Variants in ARMC9 observed in about 807,000 individuals in gnomAD.
ARMC9 encodes the protein armadillo repeat containing 9, also known as lisH domain-containing protein ARMC9.
A neutral mutation model predicts 107.0 loss-of-function variants in ARMC9; 94 were observed. The ratio of observed to expected loss-of-function variants is 0.88; its 90% CI spans 0.74 to 1.04. The LOEUF is 1.04. Ranked by LOEUF, ARMC9 falls within the 50% of genes least tolerant of loss-of-function variation. ARMC9 has a pLI of 0.00. For synonymous variants in ARMC9, 380 were observed against 396.9 expected, an observed-to-expected ratio of 0.96 and a Z score of 0.51; for missense variants, 942 against 1,030.1, an observed-to-expected ratio of 0.91 and a Z score of 1.17.
chr2:231,311,498 A>G (rs957806197), intron 19 of ARMC9, among the ~76,000 whole-genome samples: 7 of 151,176 alleles, frequency 4.6e-5, no homozygotes, highest in African/African-American at 1.7e-4. Context: ...TGCTGGGCGC[A>G]GTTGCTCACG....
At position 231,353,534 on chromosome 2, in the gene ARMC9, A is replaced by G. The variant is rs1371450480; in HGVS notation, c.1995-2264A>G. Among the ~76,000 whole-genome samples the G allele has an allele frequency of 2.8e-5, 3 of 106,968 alleles. 1 individual carries two copies. The African/African-American group carries it at 4.1e-4, about 15-fold the overall frequency. The allele number at this position is 106,968 out of a possible 152,430, so 70.2% of individuals were successfully genotyped here. A position where few individuals can be genotyped will look rare whatever the true frequency, so the allele number is the denominator to read the frequency against. ...CAAAACCACACCAGGAAGGCCAGGG[A>G]ATCCCAGCAGAGAGAACCTGGATCT... On this transcript the variant is annotated intron_variant, in intron 21 of 24. Coordinates refer to ENST00000611582, the MANE Select transcript of ARMC9 (RefSeq NM_001352754.2).
At chr2:231,232,024 C>CT in intron 7 of ARMC9, among the ~76,000 whole-genome samples, 1 of 135,412 alleles carries the variant, frequency 7.4e-6, no homozygotes, top group Admixed American at 7.9e-5. Context: ...TTAACACATT[C>CT]CTTTTTTTTT....
chr2:231,220,584 G>A (rs973343016), intron 5 of ARMC9, among the ~76,000 whole-genome samples: 5 of 139,844 alleles, frequency 3.6e-5, no homozygotes, highest in Non-Finnish European at 6.1e-5. Context: ...GCAACAGAGC[G>A]AGACTCCATC....
chr2:231,227,008 T>C (rs1408101576), intron 7 of ARMC9, among the ~76,000 whole-genome samples: 1 of 152,172 alleles, frequency 6.6e-6, no homozygotes, highest in Non-Finnish European at 1.5e-5. Context: ...GCATGTCAGG[T>C]AGCTAAGCCT....
At chr2:231,211,714 C>T (rs2032890141) in intron 3 of ARMC9, among the ~76,000 whole-genome samples, 1 of 152,144 alleles carries the variant, frequency 6.6e-6, no homozygotes, top group Non-Finnish European at 1.5e-5. Flanking sequence ...TCCATTCCCA[C>T]CAGCAGTACA....
chr2:231,250,016 G>A (rs2037153287), intron 9 of ARMC9, among the ~76,000 whole-genome samples: 1 of 151,446 alleles, frequency 6.6e-6, no homozygotes, highest in Non-Finnish European at 1.5e-5. Flanking sequence ...ACGGGAGGGA[G>A]ACCACCACGT....
At chr2:231,218,148 A>G (rs1006007326) in intron 5 of ARMC9, among the ~76,000 whole-genome samples, 2 of 152,208 alleles carry the variant, frequency 1.3e-5, no homozygotes, top group Non-Finnish European at 2.9e-5. Flanking sequence ...AGTAACTGCT[A>G]AACTGAAGGT....
chr2:231,273,806 A>C (rs1369206436), intron 14 of ARMC9, among the ~76,000 whole-genome samples: 2 of 152,150 alleles, frequency 1.3e-5, no homozygotes, highest in Admixed American at 6.5e-5. Flanking sequence ...AAGGATTTTT[A>C]GTGTATTTAC....
chr2:231,300,660 G>C (rs968142420), intron 19 of ARMC9, among the ~76,000 whole-genome samples: 2 of 152,218 alleles, frequency 1.3e-5, no homozygotes, highest in Admixed American at 1.3e-4. Context: ...AAGTAACTGT[G>C]ATGGGGCTGG....
At chr2:231,293,262 A>T (rs2125476579) in intron 18 of ARMC9, among the ~76,000 whole-genome samples, 1 of 152,266 alleles carries the variant, frequency 6.6e-6, no homozygotes, top group South Asian at 2.1e-4. Context: ...AAAAATAAAA[A>T]TAAGACCTGA....
chr2:231,234,305 T>C (rs1259282531), intron 7 of ARMC9, among the ~76,000 whole-genome samples: 1 of 152,184 alleles, frequency 6.6e-6, no homozygotes, highest in Non-Finnish European at 1.5e-5. Context: ...CTTCAGTGTC[T>C]TTAGGGCTGC....
chr2:231,301,403 G>A (rs2041716856), intron 19 of ARMC9, among the ~76,000 whole-genome samples: 1 of 151,962 alleles, frequency 6.6e-6, no homozygotes, highest in Non-Finnish European at 1.5e-5. Context: ...TTTCCAGATT[G>A]CTCTTTTCAA....
chr2:231,346,454 G>A (rs769296532), intron 21 of ARMC9, among the ~76,000 whole-genome samples: 2 of 152,192 alleles, frequency 1.3e-5, no homozygotes, highest in African/African-American at 2.4e-5. Context: ...CCAGGAGGCG[G>A]AGCTTGCAGT....
chr2:231,369,509 G>A (rs992262104), intron 23 of ARMC9, among the ~76,000 whole-genome samples: 2 of 151,744 alleles, frequency 1.3e-5, no homozygotes, highest in African/African-American at 4.8e-5. Flanking sequence ...GGTCAGGCTG[G>A]TCTCGAACTC....
intron 19 of ARMC9, among the ~76,000 whole-genome samples, chr2:231,312,222 G>A (rs561744347): frequency 1.2e-4 from 19 of 152,332 alleles, no homozygotes; most frequent in African/African-American, 4.1e-4. Flanking sequence ...GGTGCAGGCT[G>A]CCAGTGCAGT....
chr2:231,272,379 G>C (rs2039409525), intron 13 of ARMC9, among the ~76,000 whole-genome samples: 1 of 152,004 alleles, frequency 6.6e-6, no homozygotes, highest in Admixed American at 6.6e-5. Flanking sequence ...AGTTTTTATA[G>C]AGATGAGGTT....
Position 231,297,221 on chromosome 2 carries a change from T to C in ARMC9, c.1773+968T>C, listed in dbSNP as rs1396645020. Among the ~76,000 whole-genome samples the C allele has an allele frequency of 6.6e-6, 1 of 152,174 alleles. No individual in the cohort carries two copies. Among genetic ancestry groups the C allele is most frequent in the East Asian group, 1.9e-4 (1 of 5,192 alleles). On this transcript the variant is annotated intron_variant, in intron 19 of 24. Transcript: ENST00000611582. This position sits in a 1 kb window ranked among gnomAD's most constrained non-coding sequence, Gnocchi z 4.2. Reference sequence around the variant, plus strand: ...TTTTCTTCACAGGCTGCAGGTGGCATCAGCGGGTACGTGCTCCTGCTGGCT... The same window carrying C: ...TTTTCTTCACAGGCTGCAGGTGGCACCAGCGGGTACGTGCTCCTGCTGGCT...
intron 16 of ARMC9, among the ~76,000 whole-genome samples, chr2:231,281,391 C>T (rs561474188): frequency 2.0e-5 from 3 of 152,216 alleles, no homozygotes; most frequent in Admixed American, 6.5e-5. Flanking sequence ...GTAGTATGGA[C>T]ACTTTGTGGT....
At chr2:231,240,127 A>G in intron 9 of ARMC9, 86 bp downstream of exon 9, 1 of 1,142,428 alleles carries the variant, frequency 8.8e-7, no homozygotes, top group Non-Finnish European at 1.3e-6. Context: ...GCATGAAAAA[A>G]TAACATGCAA....
Sources: allele counts gnomAD v4.1 joint callset (sites outside exome capture counted in the v4.1 genomes callset), GRCh38; gene constraint gnomAD v4.1.1; non-coding constraint Gnocchi (gnomAD v3.1); transcripts MANE v1.5; gene names NCBI Gene and HGNC (gene_info 2026-07-23, HGNC 2026-07-21).